Variants in TMPRSS9 observed in about 807,000 individuals in gnomAD.
TMPRSS9 encodes transmembrane protease serine 9.
A neutral mutation model predicts 111.4 loss-of-function variants in TMPRSS9; 113 were observed. The observed-to-expected ratio is 1.01, with a 90% CI of 0.87 to 1.19. TMPRSS9 has a LOEUF of 1.19. TMPRSS9 is among the 50% of genes most tolerant of loss of function. The pLI is 0.00. For synonymous variants in TMPRSS9, 805 were observed against 659.1 expected (o/e 1.22, Z -3.39); for missense variants, 1,803 against 1,513.1 (o/e 1.19, Z -3.18).
chr19:2,377,293 ATATGTATG>A (rs1005280037), intron 1 of TMPRSS9, among the ~76,000 whole-genome samples: 122 of 65,106 alleles, frequency 1.9e-3, no homozygotes, highest in Admixed American at 4.8e-3. Flanking sequence ...ATGTATGTAT[ATATGTATG>A]TATGTATGTA....
intron 1 of TMPRSS9, among the ~76,000 whole-genome samples, chr19:2,369,265 AT>A (rs70947737): frequency 1.4e-4 from 22 of 151,946 alleles, no homozygotes; most frequent in African/African-American, 5.3e-4. Flanking sequence ...TTTAAAAAAA[AT>A]TTTTTTGTAC....
chr19:2,361,766 TCCAGAGGTTG>T (rs369293988), intron 1 of TMPRSS9, among the ~76,000 whole-genome samples: 272 of 152,306 alleles, frequency 1.8e-3, no homozygotes, highest in African/African-American at 6.3e-3. Flanking sequence ...AGGCATGGGC[TCCAGAGGTTG>T]CCAGAGGTTT....
exon 16 of TMPRSS9, chr19:2,425,025 C>A: frequency 6.5e-7 from 1 of 1,543,348 alleles, no homozygotes; most frequent in Non-Finnish European, 8.7e-7. Flanking sequence ...AAGCAGTGGG[C>A]GGCCTTCCTA....
At chr19:2,396,314 G>A in intron 1 of TMPRSS9, 3 of 481,342 alleles carry the variant, frequency 6.2e-6, no homozygotes, top group Non-Finnish European at 1.1e-5. Flanking sequence ...CCGGGTGGGT[G>A]GCTGTCATAG....
chr19:2,398,757 G>A, intron 2 of TMPRSS9, 38 bp from the exon 4 acceptor site: 1 of 1,365,114 alleles, frequency 7.3e-7, no homozygotes, highest in Non-Finnish European at 9.6e-7. Context: ...TGCCCATGCT[G>A]TGGGTCTCAA....
chr19:2,401,130 C>T lies in TMPRSS9; in HGVS notation c.515-845C>T, dbSNP rs529965589. On this transcript the variant is annotated intron_variant, in intron 4 of 17. Coordinates refer to ENST00000648592, the Ensembl canonical transcript of TMPRSS9. ...TCTACTAAAAATACAAAAAATCAGCCGGGCGTGGTGGCGGGCGCCTGTAGT... is the reference window on the plus strand; with the variant it reads ...TCTACTAAAAATACAAAAAATCAGCTGGGCGTGGTGGCGGGCGCCTGTAGT... Among the ~76,000 whole-genome samples, 58 of 151,870 alleles carry T rather than the reference C, an allele frequency of 3.8e-4. No homozygotes were observed. The South Asian group carries it at 7.5e-3, about 20-fold the overall frequency.
intron 1 of TMPRSS9, among the ~76,000 whole-genome samples, chr19:2,363,111 CGT>C (rs1362900959): frequency 6.6e-6 from 1 of 152,196 alleles, no homozygotes; most frequent in Non-Finnish European, 1.5e-5. Context: ...AATGGGAGTC[CGT>C]GTGTGCCCCG....
chr19:2,401,765 A>G (rs77767861), intron 4 of TMPRSS9, among the ~76,000 whole-genome samples: 5 of 150,378 alleles, frequency 3.3e-5, no homozygotes, highest in Non-Finnish European at 5.9e-5. Context: ...CCGGCACCAC[A>G]CCCGTCTAAT....
rs145463355 is a variant in TMPRSS9 at position 2,407,767 on chromosome 19, A to G, written c.843-589A>G. 1.5e-4 allele frequency among the ~76,000 whole-genome samples: 22 copies of G among 146,720 alleles called. No homozygotes were observed. In the East Asian group the frequency reaches 4.1e-3, roughly 27 times the overall value. ...TGAGGAGCTGAAACCACAGGTGCAC[A>G]TCGCCACACCCCGCTAATATATATA... On this transcript the variant is annotated intron_variant, in intron 7 of 17. Transcript: ENST00000648592.
intron 6 of TMPRSS9, among the ~76,000 whole-genome samples, chr19:2,404,602 GA>G (rs1409706726): frequency 6.7e-6 from 1 of 150,204 alleles, no homozygotes; most frequent in Non-Finnish European, 1.5e-5. Flanking sequence ...AGATACAAAG[GA>G]AAAAATATCT....
intron 1 of TMPRSS9, among the ~76,000 whole-genome samples, chr19:2,363,814 G>A (rs569632974): frequency 3.6e-5 from 5 of 140,840 alleles, no homozygotes; most frequent in Non-Finnish European, 6.2e-5. Context: ...GCGTGCGCGC[G>A]TGTGTGTGTG....
chr19:2,365,565 G>T (rs1471217884), intron 1 of TMPRSS9, among the ~76,000 whole-genome samples: 1 of 151,842 alleles, frequency 6.6e-6, no homozygotes, highest in East Asian at 1.9e-4. Context: ...TGGGATGGAC[G>T]TGTCCGAAAA....
intron 9 of TMPRSS9, among the ~76,000 whole-genome samples, chr19:2,411,443 G>A (rs529261111): frequency 3.4e-4 from 48 of 141,338 alleles, no homozygotes; most frequent in Middle Eastern, 7.1e-3. Context: ...TGTCACCCAG[G>A]CTGGAGTGCA....
intron 1 of TMPRSS9, among the ~76,000 whole-genome samples, chr19:2,391,033 A>G (rs200381234): frequency 1.1e-4 from 7 of 61,686 alleles, no homozygotes; most frequent in East Asian, 1.3e-3. Flanking sequence ...GAAAGAAAGA[A>G]AGGGAGGGAG....
chr19:2,415,901 G>C, intron 11 of TMPRSS9, 60 bp downstream of exon 12: 1 of 1,508,754 alleles, frequency 6.6e-7, no homozygotes. Context: ...GCCCCTCCCT[G>C]TCAGAAACCA....
chr19:2,367,338 A>G lies in TMPRSS9; in HGVS notation c.-26+6978A>G, dbSNP rs530163381. Among the ~76,000 whole-genome samples, 6 of 152,254 alleles carry G rather than the reference A, an allele frequency of 3.9e-5. No homozygotes were observed. The South Asian group carries it at 1.2e-3, about 32-fold the overall frequency. On this transcript the variant is annotated intron_variant, in intron 1 of 17. Transcript: ENST00000649857. ...GTCTCATAGGAGAAATGTGGCAATAAATGAGATGATGACTGTAAATATTGT... is the reference window on the plus strand; with the variant it reads ...GTCTCATAGGAGAAATGTGGCAATAGATGAGATGATGACTGTAAATATTGT...
At chr19:2,391,527 A>C (rs1425729202) in intron 1 of TMPRSS9, among the ~76,000 whole-genome samples, 1 of 151,626 alleles carries the variant, frequency 6.6e-6, no homozygotes, top group Admixed American at 6.6e-5. Flanking sequence ...GAGTGTGTGC[A>C]TGGTGCACAC....
chr19:2,407,792 A>G (rs995356960), intron 7 of TMPRSS9, among the ~76,000 whole-genome samples: 1 of 134,938 alleles, frequency 7.4e-6, no homozygotes, highest in African/African-American at 2.8e-5. Context: ...TAATATATAT[A>G]TATTTTTTCT....
At position 2,374,248 on chromosome 19, in the gene TMPRSS9, CTTTTTTTTTTT is replaced by C. The variant is rs1027376774; in HGVS notation, c.-26+13915_-26+13925del. On this transcript the variant is annotated intron_variant, in intron 1 of 17. Coordinates refer to the TMPRSS9 transcript ENST00000649857. ...TTTCATGCTGATTTCTCTCAACAATCTTTTTTTTTTTTTTTTTTTTTTTTTTTTTTTTTTTT... is the reference window on the plus strand; with the variant it reads ...TTTCATGCTGATTTCTCTCAACAATCTTTTTTTTTTTTTTTTTTTTTTTTT... Among the ~76,000 whole-genome samples the C allele has an allele frequency of 2.0e-3, 140 of 70,416 alleles. 1 individual carries two copies. Among genetic ancestry groups the C allele is most frequent in the African/African-American group, 2.7e-3 (54 of 20,336 alleles). 46.2% of individuals were successfully genotyped at this position (70,416 alleles called of 152,430 possible). A position where few individuals can be genotyped will look rare whatever the true frequency, so the allele number is the denominator to read the frequency against.
Sources: gnomAD v4.1 joint callset for allele counts (sites outside exome capture counted in the v4.1 genomes callset) on GRCh38, gnomAD v4.1.1 for gene constraint, MANE v1.5 for transcripts, NCBI Gene and HGNC (gene_info 2026-07-23, HGNC 2026-07-21) for gene names.